Variants in PCDHA11 observed in about 807,000 individuals in gnomAD.
PCDHA11 encodes the protein protocadherin alpha 11, also known as protocadherin alpha-11.
A neutral mutation model predicts 70.3 loss-of-function variants in PCDHA11; 61 were observed. That is an observed-to-expected ratio of 0.87 (90% CI 0.71 to 1.07). The LOEUF is 1.07. Ranked by LOEUF, PCDHA11 falls within the 50% of genes least tolerant of loss-of-function variation. The probability of loss-of-function intolerance (pLI) is 0.00; values close to 1 mark genes in which losing one functional copy is unlikely to be tolerated. For synonymous variants in PCDHA11, 633 were observed against 555.1 expected, an observed-to-expected ratio of 1.14 and a Z score of -1.97; for missense variants, 1,324 against 1,237.5, an observed-to-expected ratio of 1.07 and a Z score of -1.05.
chr5:140,917,131 G>A (rs572644426), intron 1 of PCDHA11, among the ~76,000 whole-genome samples: 28 of 152,190 alleles, frequency 1.8e-4, no homozygotes, highest in African/African-American at 5.8e-4. Context: ...GACTCCCCAC[G>A]TTGCTCAGCT....
At chr5:140,920,000 A>T (rs1486623735) in intron 1 of PCDHA11, among the ~76,000 whole-genome samples, 1 of 152,178 alleles carries the variant, frequency 6.6e-6, no homozygotes, top group Non-Finnish European at 1.5e-5. Flanking sequence ...GACACAGAGG[A>T]AAAGGCCATG....
At chr5:140,900,456 T>C (rs902615387) in intron 1 of PCDHA11, among the ~76,000 whole-genome samples, 3 of 152,210 alleles carry the variant, frequency 2.0e-5, no homozygotes, top group Non-Finnish European at 2.9e-5. Flanking sequence ...TTTTTATTTT[T>C]AGTAGACACG....
At position 140,971,319 on chromosome 5, in the gene PCDHA11, A is replaced by C. The variant is rs568701560; in HGVS notation, c.2392-7630A>C. ...TGGTACACAAACATTTAATCTAGGG[A>C]GAAAATTATTTCAGAAAGTGCTTGC... is the stretch of plus-strand genomic sequence containing the variant. On this transcript the variant is annotated intron_variant, in intron 1 of 3. Transcript: ENST00000398640. Among the ~76,000 whole-genome samples the C allele has an allele frequency of 2.1e-4, 32 of 152,346 alleles. 1 individual carries two copies. Among genetic ancestry groups the C allele is most frequent in the Admixed American group, 2.0e-3 (31 of 15,306 alleles).
chr5:140,927,953 C>T (rs782230690), intron 1 of PCDHA11: 48 of 1,614,090 alleles, frequency 3.0e-5, no homozygotes, highest in Non-Finnish European at 2.1e-5. Flanking sequence ...GAGGACGCTG[C>T]CCCTGGCACA....
At chr5:140,902,647 G>T (rs1286700570) in intron 1 of PCDHA11, among the ~76,000 whole-genome samples, 3 of 150,932 alleles carry the variant, frequency 2.0e-5, no homozygotes, top group African/African-American at 7.3e-5. Context: ...CTGAGATTTT[G>T]GTGCACCTGT....
At chr5:140,971,117 G>A (rs868931936) in intron 1 of PCDHA11, among the ~76,000 whole-genome samples, 1 of 152,162 alleles carries the variant, frequency 6.6e-6, no homozygotes, top group Admixed American at 6.5e-5. Flanking sequence ...ATTGGGGTGG[G>A]CTACAGGTGG....
intron 1 of PCDHA11, among the ~76,000 whole-genome samples, chr5:140,885,964 G>A (rs1326363408): frequency 6.6e-6 from 1 of 151,886 alleles, no homozygotes; most frequent in Non-Finnish European, 1.5e-5. Flanking sequence ...TTTTTATTTT[G>A]AGATAATTAT....
At chr5:140,939,253 G>C (rs1399135372) in intron 1 of PCDHA11, among the ~76,000 whole-genome samples, 2 of 152,060 alleles carry the variant, frequency 1.3e-5, no homozygotes, top group African/African-American at 4.8e-5. Context: ...TAGCTCTCTG[G>C]AACCTCTTTT....
chr5:140,870,218 G>A lies in PCDHA11; in HGVS notation c.1115G>A (p.Ser372Asn). 1 of 1,614,172 alleles carries A rather than the reference G, an allele frequency of 6.2e-7. No homozygotes were observed. The highest frequency in any genetic ancestry group is 8.5e-7 in the Non-Finnish European group (1 of 1,180,036). Residue 372 changes from serine (S) to asparagine (N), a missense_variant, in exon 1 of 4, where the codon AGC becomes AAC. Transcript: ENST00000398640. Reference protein sequence around the residue: ...AQPSTVIALISVSDRDSGVNG... With the variant: ...AQPSTVIALINVSDRDSGVNG... ...CCCAGCACGGTCATTGCCCTGATCA[G>A]CGTGTCTGACCGTGACTCAGGTGTC...
At chr5:140,937,323 C>T (rs1350536354) in intron 1 of PCDHA11, among the ~76,000 whole-genome samples, 3 of 152,120 alleles carry the variant, frequency 2.0e-5, no homozygotes, top group African/African-American at 7.2e-5. Flanking sequence ...AGGCGTGAGC[C>T]ACCGCGCCCG....
intron 1 of PCDHA11, among the ~76,000 whole-genome samples, chr5:140,975,429 C>T (rs1006180121): frequency 2.6e-5 from 4 of 152,208 alleles, no homozygotes; most frequent in African/African-American, 9.6e-5. Flanking sequence ...AGGGTGTGCA[C>T]ACCAGGATAT....
intron 1 of PCDHA11, among the ~76,000 whole-genome samples, chr5:140,890,662 C>G (rs75284753): frequency 3.3e-5 from 5 of 152,136 alleles, no homozygotes; most frequent in South Asian, 2.1e-4. Flanking sequence ...CAAAAGTTAA[C>G]TGAAACCCTT....
At chr5:140,925,523 A>G (rs2082536331) in intron 1 of PCDHA11, among the ~76,000 whole-genome samples, 1 of 152,138 alleles carries the variant, frequency 6.6e-6, no homozygotes, top group African/African-American at 2.4e-5. Flanking sequence ...ACCAAATTAA[A>G]AGCGAGGAGA....
At chr5:140,884,688 C>T in intron 1 of PCDHA11, 1 of 1,535,868 alleles carries the variant, frequency 6.5e-7, no homozygotes, top group Non-Finnish European at 8.8e-7. Context: ...AAAAAATTGT[C>T]TTAGTAAACA....
intron 1 of PCDHA11, among the ~76,000 whole-genome samples, chr5:140,902,711 C>T (rs2153477998): frequency 6.6e-6 from 1 of 151,990 alleles, no homozygotes; most frequent in Middle Eastern, 3.4e-3. Context: ...TCTTTCACTC[C>T]CCTCCCACCC....
intron 1 of PCDHA11, chr5:140,875,247 A>G (rs1427742475): frequency 2.1e-6 from 2 of 962,258 alleles, no homozygotes; most frequent in Non-Finnish European, 2.9e-6. Context: ...TTACATAATC[A>G]GTCACATGAT....
At chr5:140,940,528 A>G (rs1190387049) in intron 1 of PCDHA11, among the ~76,000 whole-genome samples, 6 of 152,156 alleles carry the variant, frequency 3.9e-5, no homozygotes, top group African/African-American at 1.4e-4. Flanking sequence ...AGCTCACTGC[A>G]ATCTTGAATT....
At chr5:140,887,829 G>A (rs2061597831) in intron 1 of PCDHA11, among the ~76,000 whole-genome samples, 1 of 151,932 alleles carries the variant, frequency 6.6e-6, no homozygotes, top group Non-Finnish European at 1.5e-5. Flanking sequence ...GCCTCATTTT[G>A]AATATCTTTT....
chr5:140,949,528 A>G (rs2094388709), intron 1 of PCDHA11, among the ~76,000 whole-genome samples: 1 of 151,854 alleles, frequency 6.6e-6, no homozygotes, highest in Non-Finnish European at 1.5e-5. Context: ...TTTTATCTTC[A>G]TAAAATATCG....
Sources: allele counts gnomAD v4.1 joint callset (sites outside exome capture counted in the v4.1 genomes callset), GRCh38; gene constraint gnomAD v4.1.1; transcripts MANE v1.5; gene names NCBI Gene and HGNC (gene_info 2026-07-23, HGNC 2026-07-21).